The following OMA1 variants were observed in gnomAD, a reference collection of about 807,000 sequenced individuals.
The protein encoded by OMA1 is metalloendopeptidase OMA1, mitochondrial.
In OMA1, 38 loss-of-function variants were observed where a neutral mutation model predicts 30.9. The observed-to-expected ratio is 1.23, with a 90% CI of 0.95 to 1.61. The LOEUF (loss-of-function observed/expected upper bound fraction) is 1.61, where lower values mean the gene tolerates loss of function less well. OMA1 is among the 40% of genes most tolerant of loss of function. The probability of loss-of-function intolerance (pLI) is 0.00; values close to 1 mark genes in which losing one functional copy is unlikely to be tolerated. For missense variants in OMA1, 461 were observed against 349.2 expected (o/e 1.32, Z -2.55); for synonymous variants, 173 against 121.9 (o/e 1.42, Z -2.76).
intron 8 of OMA1, among the ~76,000 whole-genome samples, chr1:58,498,905 T>A (rs74413761): frequency 0.015 from 2,227 of 152,186 alleles, 46 homozygotes; most frequent in East Asian, 0.12. Context: ...TATAAATAAC[T>A]GACGTAAATA....
intron 8 of OMA1, among the ~76,000 whole-genome samples, chr1:58,490,104 C>A (rs187533684): frequency 6.6e-6 from 1 of 152,160 alleles, no homozygotes; most frequent in Non-Finnish European, 1.5e-5. Context: ...ATGACTTTGA[C>A]GAGTTGAGAG....
chr1:58,486,075 GCGTGAGGTATTTTA>G (rs1645571459), intron 8 of OMA1, among the ~76,000 whole-genome samples: 1 of 152,194 alleles, frequency 6.6e-6, no homozygotes, highest in Admixed American at 6.5e-5. Context: ...GCCTTTCACT[GCGTGAGGTATTTTA>G]CACATCTAAA....
chr1:58,504,392 C>G (rs979184975), intron 8 of OMA1, among the ~76,000 whole-genome samples: 2 of 152,156 alleles, frequency 1.3e-5, no homozygotes, highest in Admixed American at 1.3e-4. Context: ...CTCCACACAG[C>G]TAAAGGACTT....
chr1:58,514,152 T>C (rs1336138572), intron 7 of OMA1, among the ~76,000 whole-genome samples: 1 of 152,126 alleles, frequency 6.6e-6, no homozygotes, highest in African/African-American at 2.4e-5. Context: ...TGGTCCTAAG[T>C]GATGATGTCA....
At chr1:58,492,820 C>T (rs997727792) in intron 8 of OMA1, among the ~76,000 whole-genome samples, 50 of 152,198 alleles carry the variant, frequency 3.3e-4, no homozygotes, top group South Asian at 1.0e-3. Flanking sequence ...GATTCACAGC[C>T]GAATTCTACC....
chr1:58,482,531 C>A (rs1645505681), intron 8 of OMA1, among the ~76,000 whole-genome samples: 1 of 151,742 alleles, frequency 6.6e-6, no homozygotes. Context: ...GGGGAAAAAG[C>A]TAATTCAGTT....
chr1:58,519,378 A>AGATGAAT (rs2100448153), intron 7 of OMA1, among the ~76,000 whole-genome samples: 1 of 152,326 alleles, frequency 6.6e-6, no homozygotes, highest in South Asian at 2.1e-4. Flanking sequence ...ATTCATCTGC[A>AGATGAAT]GACACGTGAA....
intron 5 of OMA1, among the ~76,000 whole-genome samples, chr1:58,533,252 C>T (rs953292767): frequency 6.6e-6 from 1 of 152,124 alleles, no homozygotes; most frequent in African/African-American, 2.4e-5. Context: ...TGCTAAAAAC[C>T]AGGTAACTGT....
intron 7 of OMA1, among the ~76,000 whole-genome samples, chr1:58,525,136 C>T (rs559764789): frequency 3.0e-4 from 46 of 152,118 alleles, no homozygotes; most frequent in African/African-American, 1.1e-3. Context: ...TTTTCATAAC[C>T]GATTTGTGTT....
At chr1:58,524,375 C>T (rs1209940296) in intron 7 of OMA1, among the ~76,000 whole-genome samples, 1 of 152,178 alleles carries the variant, frequency 6.6e-6, no homozygotes, top group Admixed American at 6.5e-5. Flanking sequence ...ACTATCAAAC[C>T]ATCCTTCGCT....
chr1:58,528,003 C>T lies in OMA1; in HGVS notation c.1141-668G>A, dbSNP rs144532977. Among the ~76,000 whole-genome samples, 5 of 152,308 alleles carry T rather than the reference C, an allele frequency of 3.3e-5. No individual in the cohort carries two copies. In the East Asian group the frequency reaches 9.6e-4, roughly 29 times the overall value. On this transcript the variant is annotated intron_variant, in intron 6 of 8. Transcript: ENST00000371226. ...ACTTTGTAGGAGATGAATCAATAGGCAGGACTTTTGAGAAAAGAGCTATTA... is the reference window on the plus strand; with the variant it reads ...ACTTTGTAGGAGATGAATCAATAGGTAGGACTTTTGAGAAAAGAGCTATTA...
chr1:58,511,636 A>AACAC (rs371601891), intron 7 of OMA1, among the ~76,000 whole-genome samples: 2 of 151,034 alleles, frequency 1.3e-5, no homozygotes, highest in Non-Finnish European at 3.0e-5. Flanking sequence ...CTCAAAAACG[A>AACAC]ACACACACAC....
chr1:58,518,289 A>G (rs1170656922), intron 7 of OMA1, among the ~76,000 whole-genome samples: 16 of 26,540 alleles, frequency 6.0e-4, no homozygotes, highest in Non-Finnish European at 9.7e-4. Flanking sequence ...AGAAGAGAAG[A>G]GAAGAGAAGA....
At chr1:58,490,232 C>G (rs971513202) in intron 8 of OMA1, among the ~76,000 whole-genome samples, 11 of 152,138 alleles carry the variant, frequency 7.2e-5, no homozygotes, top group Non-Finnish European at 1.3e-4. Flanking sequence ...ATAACCAATG[C>G]AGAGAAGTCC....
At chr1:58,543,203 C>T (rs1646648994) in intron 1 of OMA1, among the ~76,000 whole-genome samples, 1 of 152,150 alleles carries the variant, frequency 6.6e-6, no homozygotes, top group South Asian at 2.1e-4. Flanking sequence ...CTGTATTCTG[C>T]AAATAAATGA....
At chr1:58,503,498 T>C (rs1317632429) in intron 8 of OMA1, among the ~76,000 whole-genome samples, 2 of 152,036 alleles carry the variant, frequency 1.3e-5, no homozygotes, top group Admixed American at 6.6e-5. Context: ...TGATATAGAG[T>C]GAATGTCTGT....
intron 8 of OMA1, among the ~76,000 whole-genome samples, chr1:58,491,331 C>A (rs1033476697): frequency 6.6e-6 from 1 of 152,140 alleles, no homozygotes; most frequent in Non-Finnish European, 1.5e-5. Context: ...TAAAGACCAT[C>A]AAGGCTAGGA....
chr1:58,533,582 C>A (rs1016181811), intron 5 of OMA1, among the ~76,000 whole-genome samples: 6 of 152,074 alleles, frequency 3.9e-5, no homozygotes, highest in Non-Finnish European at 7.4e-5. Flanking sequence ...AGATGATTTA[C>A]CCACTTAAAT....
chr1:58,535,307 A>G (rs963587705), intron 3 of OMA1, among the ~76,000 whole-genome samples: 6 of 152,140 alleles, frequency 3.9e-5, no homozygotes, highest in African/African-American at 1.4e-4. Context: ...TTTTTCACTT[A>G]AGAATCAACA....
Sources: gnomAD v4.1 joint callset for allele counts (sites outside exome capture counted in the v4.1 genomes callset) on GRCh38, gnomAD v4.1.1 for gene constraint, MANE v1.5 for transcripts, NCBI Gene and HGNC (gene_info 2026-07-23, HGNC 2026-07-21) for gene names.